CFAP65: variants seen among roughly 807,000 people sequenced by gnomAD.
CFAP65 encodes the protein cilia- and flagella-associated protein 65.
Under a neutral mutation model 208.0 loss-of-function variants are expected in CFAP65, and 155 were observed. The observed-to-expected ratio is 0.75, with a 90% CI of 0.65 to 0.85. The LOEUF is 0.85. Ranked by LOEUF, CFAP65 falls within the 40% of genes least tolerant of loss-of-function variation. The pLI, the probability that CFAP65 is intolerant of heterozygous loss-of-function variation, is 0.00. For missense variants in CFAP65, 2,294 were observed against 2,451.3 expected (o/e 0.94, Z 1.36); for synonymous variants, 970 against 986.3 (o/e 0.98, Z 0.31).
chr2:219,023,140 G>T, intron 16 of CFAP65, 67 bp downstream of exon 16: 1 of 1,383,658 alleles, frequency 7.2e-7, no homozygotes, highest in Non-Finnish European at 1.0e-6. Context: ...TCTGGGCTAT[G>T]ATAGGCACAA....
chr2:219,007,904 C>CG (rs1559117156), intron 29 of CFAP65, among the ~76,000 whole-genome samples: 1 of 151,846 alleles, frequency 6.6e-6, no homozygotes, highest in Non-Finnish European at 1.5e-5. Context: ...CTGCAACCTC[C>CG]GCCTCCCGGG....
chr2:219,035,649 C>T lies in CFAP65; in HGVS notation c.373G>A (p.Asp125Asn). 1 of 1,613,336 alleles carries T rather than the reference C, an allele frequency of 6.2e-7. No individual in the cohort carries two copies. The highest frequency in any genetic ancestry group is 8.5e-7 in the Non-Finnish European group (1 of 1,179,512). The part of the protein sequence containing the change: ...TISAQPASSM[D>N]TQMHSPKKQE... Reference sequence around the variant, plus strand: ...TTCTTTGGGGAGTGCATCTGAGTGTCCATGGAGCTTGCGGGCTGTTCAGGT... The same window carrying T: ...TTCTTTGGGGAGTGCATCTGAGTGTTCATGGAGCTTGCGGGCTGTTCAGGT... The change falls in exon 5 of 35, where the codon GAC (aspartate) becomes AAC (asparagine). Residue 125 changes from aspartate (D) to asparagine (N), a missense_variant. Around this residue, in one of 2 missense-constraint regions of CFAP65, gnomAD observed 867 missense variants for 1,012.6 expected, o/e 0.86. Coordinates refer to ENST00000341552, the MANE Select transcript of CFAP65 (RefSeq NM_194302.4).
At chr2:219,040,490 G>A in intron 2 of CFAP65, 29 bp downstream of exon 2, 1 of 1,147,090 alleles carries the variant, frequency 8.7e-7, no homozygotes, top group Non-Finnish European at 1.3e-6. Flanking sequence ...ACTGTGCTAG[G>A]CACCAGACAA....
chr2:219,013,236 A>G, intron 24 of CFAP65, 23 bp downstream of exon 24: 1 of 1,532,450 alleles, frequency 6.5e-7, no homozygotes, highest in South Asian at 1.1e-5. Context: ...TTCTTGGTCA[A>G]CAGGACAATG....
chr2:219,033,335 G>T (rs1470723132), intron 5 of CFAP65, among the ~76,000 whole-genome samples: 1 of 152,064 alleles, frequency 6.6e-6, no homozygotes, highest in African/African-American at 2.4e-5. Flanking sequence ...AATTAGCCAG[G>T]CATGGTGGTG....
intron 5 of CFAP65, 59 bp downstream of exon 5, chr2:219,035,421 G>A (rs1236041151): frequency 1.2e-6 from 2 of 1,613,988 alleles, no homozygotes; most frequent in East Asian, 2.2e-5. Flanking sequence ...GTTTTGAAGA[G>A]AGCCTGCTTT....
intron 1 of CFAP65, among the ~76,000 whole-genome samples, chr2:219,041,171 C>T (rs1317237478): frequency 1.3e-5 from 2 of 152,100 alleles, no homozygotes; most frequent in East Asian, 1.9e-4. Context: ...CCTTTATTTG[C>T]CTAATTGCTG....
rs1158539083 is a variant in CFAP65, at chr2:219,032,499, G to A, written c.616C>T (p.Leu206Phe). The change falls in exon 6 of 35, where the codon CTC (leucine) becomes TTC (phenylalanine). Residue 206 changes from leucine to phenylalanine, a missense_variant. Leu to Phe is a conservative substitution (Grantham distance 22). Around this residue, in one of 2 missense-constraint regions of CFAP65, gnomAD observed 867 missense variants for 1,012.6 expected, o/e 0.86. Transcript: ENST00000341552. This position sits in a 1 kb window ranked among gnomAD's most constrained non-coding sequence, Gnocchi z 5.5. ...IFLSPGITLTLPIVFRPLEAK... is the reference protein window; with the variant it reads ...IFLSPGITLTFPIVFRPLEAK... Reference sequence around the variant, plus strand: ...TCCAGAGGCCGGAAGACGATGGGGAGCGTGAGGGTTATGCCTGGGCTCAGG... The same window carrying A: ...TCCAGAGGCCGGAAGACGATGGGGAACGTGAGGGTTATGCCTGGGCTCAGG... 2 of 1,604,296 alleles carry A rather than the reference G, an allele frequency of 1.2e-6. No homozygotes were observed. Among genetic ancestry groups the A allele is most frequent in the Non-Finnish European group, 1.7e-6 (2 of 1,175,582 alleles).
chr2:219,022,564 G>T (rs536739953), intron 16 of CFAP65, among the ~76,000 whole-genome samples: 41 of 152,328 alleles, frequency 2.7e-4, no homozygotes, highest in African/African-American at 9.4e-4. Flanking sequence ...GAAACTGAAA[G>T]TTCAGAGAAG....
In CFAP65 at chr2:219,010,716, G is replaced by A. The variant is rs113209909; in HGVS notation, c.4150-12C>T. On this transcript the variant is annotated splice_polypyrimidine_tract_variant and intron_variant, in intron 25 of 34. Coordinates refer to ENST00000341552, the MANE Select transcript of CFAP65 (RefSeq NM_194302.4). Reference sequence around the variant, plus strand: ...ATGGGCACGTCCACCTGGGGAGTTAGGAGGGTGGGGGTAGGGACTGGTCAG... The same window carrying A: ...ATGGGCACGTCCACCTGGGGAGTTAAGAGGGTGGGGGTAGGGACTGGTCAG... The A allele has an allele frequency of 2.1e-4, 335 of 1,600,310 alleles. 1 individual carries two copies. The African/African-American group carries it at 3.7e-3, about 18-fold the overall frequency.
Position 219,013,555 on chromosome 2 carries a change from T to G in CFAP65, c.3810A>C (p.Pro1270=). The G allele has an allele frequency of 6.2e-7, 1 of 1,601,306 alleles. No individual in the cohort carries two copies. Among genetic ancestry groups the G allele is most frequent in the Non-Finnish European group, 8.5e-7 (1 of 1,175,392 alleles). ...SHLFIGTDHL[P]VLFKVSHGRE... The stretch of plus-strand genomic sequence containing the variant: ...GGCCATGGGACACCTTGAAGAGCAC[T>G]GGGAGGTGATCAGTACCGATGAACA... Residue 1270 remains proline (P), a synonymous_variant, in exon 23 of 35, where the codon CCA becomes CCC. Transcript: ENST00000341552.
intron 11 of CFAP65, among the ~76,000 whole-genome samples, chr2:219,028,823 CTG>C (rs1363474842): frequency 1.3e-5 from 2 of 152,202 alleles, no homozygotes; most frequent in East Asian, 3.9e-4. Context: ...CCATACTAAA[CTG>C]TCACAAGAAT....
intron 2 of CFAP65, among the ~76,000 whole-genome samples, chr2:219,040,156 T>G (rs1041734836): frequency 1.3e-5 from 2 of 152,148 alleles, no homozygotes; most frequent in Admixed American, 1.3e-4. Context: ...TTACAGGTAT[T>G]TTAATTCTTA....
chr2:219,021,140 C>T lies in CFAP65; in HGVS notation c.3259+12G>A. The stretch of plus-strand genomic sequence containing the variant: ...CCCGGCCCCGACTCTCTATGCCAGG[C>T]AGTCTAGGTACCTCTGTGGGAAAGG... On this transcript the variant is annotated intron_variant, in intron 19 of 34. Transcript: ENST00000341552. 1.3e-6 allele frequency: 2 copies of T among 1,513,842 alleles called. No homozygotes were observed. Among genetic ancestry groups the T allele is most frequent in the Non-Finnish European group, 1.8e-6 (2 of 1,126,058 alleles). 93.8% of individuals were successfully genotyped at this position (1,513,842 alleles called of 1,614,324 possible).
chr2:219,039,443 G>A (rs1256662061), intron 2 of CFAP65, among the ~76,000 whole-genome samples: 1 of 152,180 alleles, frequency 6.6e-6, no homozygotes, highest in Non-Finnish European at 1.5e-5. Flanking sequence ...TCAGGCACAT[G>A]TGGAAGTGGT....
At position 219,009,998 on chromosome 2, in the gene CFAP65, A is replaced by C. The variant is rs112476411; in HGVS notation, c.4396T>G (p.Ser1466Ala). Reference sequence around the variant, plus strand: ...GAGAAGGCAATTTCCTCGTTCTTGGAGATGTTGTTGAGGAAGAGCAGGCGG... The same window carrying C: ...GAGAAGGCAATTTCCTCGTTCTTGGCGATGTTGTTGAGGAAGAGCAGGCGG... ...CSRLLFLNNI[S>A]KNEEIAFSWQ... The change falls in exon 27 of 35, where the codon TCC becomes GCC. Residue 1466 changes from serine (S) to alanine (A), a missense_variant. Ser to Ala is a moderately conservative substitution (Grantham distance 99, BLOSUM62 1). Coordinates refer to ENST00000341552, the MANE Select transcript of CFAP65 (RefSeq NM_194302.4). 1 of 1,612,658 alleles carries C rather than the reference A, an allele frequency of 6.2e-7. No individual in the cohort carries two copies. Among genetic ancestry groups the C allele is most frequent in the Admixed American group, 1.7e-5 (1 of 59,936 alleles).
intron 1 of CFAP65, 158 bp downstream of exon 1, chr2:219,041,329 CG>C: frequency 1.5e-6 from 1 of 660,904 alleles, no homozygotes; most frequent in Non-Finnish European, 2.7e-6. Flanking sequence ...TGATTGATCT[CG>C]CCCAAGACTC....
rs1215817501 is a variant in CFAP65 at position 219,032,295 on chromosome 2, C to T, written c.645+175G>A. On this transcript the variant is annotated intron_variant, in intron 6 of 34. Transcript: ENST00000341552. This position sits in a 1 kb window ranked among gnomAD's most constrained non-coding sequence, Gnocchi z 5.5. ...CCCAGCATCTCCTGGGGAACGCCCTCTGTCTAATGAGATGAGGGGCTAAGC... is the reference window on the plus strand; with the variant it reads ...CCCAGCATCTCCTGGGGAACGCCCTTTGTCTAATGAGATGAGGGGCTAAGC... Among the ~76,000 whole-genome samples the T allele has an allele frequency of 6.6e-6, 1 of 152,236 alleles. No individual in the cohort carries two copies. The highest frequency in any genetic ancestry group is 1.5e-5 in the Non-Finnish European group (1 of 68,046).
intron 18 of CFAP65, 68 bp downstream of exon 18, chr2:219,021,712 G>T (rs1947273062): frequency 1.3e-6 from 2 of 1,559,088 alleles, no homozygotes; most frequent in East Asian, 2.2e-5. Context: ...TGCCCAGCAG[G>T]TTAACCGGTC....
Sources: gnomAD v4.1 joint callset for allele counts (sites outside exome capture counted in the v4.1 genomes callset) on GRCh38, gnomAD v4.1.1 for gene constraint, gnomAD v4.1.1 regional missense constraint, Gnocchi (gnomAD v3.1) non-coding constraint, MANE v1.5 for transcripts, NCBI Gene and HGNC (gene_info 2026-07-23, HGNC 2026-07-21) for gene names.